The following RAD51B variants were observed in gnomAD, a reference collection of about 807,000 sequenced individuals.
RAD51B encodes the protein DNA repair protein RAD51 homolog 2.
In RAD51B, 38 loss-of-function variants were observed where a neutral mutation model predicts 42.2. The observed-to-expected ratio is 0.90, with a 90% confidence interval of 0.70 to 1.18. The LOEUF is 1.18. Ranked by LOEUF, RAD51B falls within the 50% of genes most tolerant of loss-of-function variation. The pLI, the probability that RAD51B is intolerant of heterozygous loss-of-function variation, is 0.00. For missense variants in RAD51B, 373 were observed against 400.7 expected, an observed-to-expected ratio of 0.93 and a Z score of 0.59; for synonymous variants, 154 against 145.2, an observed-to-expected ratio of 1.06 and a Z score of -0.43.
At chr14:68,052,436 C>T (rs907116707) in intron 7 of RAD51B, among the ~76,000 whole-genome samples, 34 of 151,688 alleles carry the variant, frequency 2.2e-4, no homozygotes, top group African/African-American at 8.2e-4. Flanking sequence ...AACTAATTTG[C>T]CAAGCCAGCA....
At chr14:68,169,635 G>A (rs1036984118) in intron 7 of RAD51B, among the ~76,000 whole-genome samples, 3 of 151,780 alleles carry the variant, frequency 2.0e-5, no homozygotes, top group Admixed American at 6.6e-5. Context: ...AGATGTTGCT[G>A]AGTCCTGCTG....
chr14:68,650,932 T>C (rs1040594728), intron 11 of RAD51B: 11 of 663,844 alleles, frequency 1.7e-5, no homozygotes, highest in African/African-American at 1.1e-4. Context: ...GAAAATGATA[T>C]AAAGTAGACC....
intron 7 of RAD51B, among the ~76,000 whole-genome samples, chr14:68,014,291 G>A (rs1022000633): frequency 7.0e-6 from 1 of 142,940 alleles, no homozygotes. Flanking sequence ...TTTTACATTT[G>A]TTGATTCTGC....
chr14:68,300,830 G>T (rs902386648), intron 8 of RAD51B, among the ~76,000 whole-genome samples: 1 of 152,194 alleles, frequency 6.6e-6, no homozygotes, highest in Non-Finnish European at 1.5e-5. Context: ...ATTAGCTAGC[G>T]CAGGCTGTCC....
chr14:68,063,008 A>G (rs1039273671), intron 7 of RAD51B, among the ~76,000 whole-genome samples: 1 of 151,790 alleles, frequency 6.6e-6, no homozygotes, highest in Non-Finnish European at 1.5e-5. Context: ...CATTTCCTCT[A>G]GGTTTTTAAT....
chr14:68,013,024 A>T (rs906478397), intron 7 of RAD51B, among the ~76,000 whole-genome samples: 8 of 152,294 alleles, frequency 5.3e-5, no homozygotes, highest in African/African-American at 7.2e-5. Context: ...ATGCTCACAG[A>T]TTCTGTGGGT....
intron 10 of RAD51B, among the ~76,000 whole-genome samples, chr14:68,638,325 C>A (rs888543914): frequency 1.3e-5 from 2 of 152,096 alleles, no homozygotes; most frequent in African/African-American, 4.8e-5. Context: ...TTTTAAAGAG[C>A]TTTAGATTGA....
At chr14:68,128,708 G>A (rs749708076) in intron 7 of RAD51B, among the ~76,000 whole-genome samples, 4 of 151,892 alleles carry the variant, frequency 2.6e-5, no homozygotes, top group African/African-American at 7.3e-5. Context: ...AACGTGAGTG[G>A]GGGGGCTTGT....
At chr14:68,616,206 T>G (rs1030238395), downstream of RAD51B, among the ~76,000 whole-genome samples, 1 of 152,212 alleles carries the variant, frequency 6.6e-6, no homozygotes. Context: ...TCCTCATGTT[T>G]CCCATTTCTG....
At chr14:68,383,569 G>A (rs2083527460) in intron 8 of RAD51B, among the ~76,000 whole-genome samples, 1 of 152,034 alleles carries the variant, frequency 6.6e-6, no homozygotes, top group Non-Finnish European at 1.5e-5. Flanking sequence ...CGAGGAGGTT[G>A]TGACTAGTTA....
chr14:68,206,513 A>G (rs1229622152), intron 7 of RAD51B, among the ~76,000 whole-genome samples: 4 of 152,152 alleles, frequency 2.6e-5, no homozygotes, highest in South Asian at 2.1e-4. Context: ...TCTAATAAGC[A>G]GGAGCTTTTT....
At chr14:68,060,150 C>A (rs1280998931) in intron 7 of RAD51B, among the ~76,000 whole-genome samples, 1 of 152,098 alleles carries the variant, frequency 6.6e-6, no homozygotes, top group Non-Finnish European at 1.5e-5. Flanking sequence ...AATGAGGTGA[C>A]TGGAGTAGGT....
chr14:68,658,639 A>G (rs887621115), intron 11 of RAD51B, among the ~76,000 whole-genome samples: 2 of 152,214 alleles, frequency 1.3e-5, no homozygotes, highest in Non-Finnish European at 2.9e-5. Context: ...ATGGAGGTTC[A>G]GTCACCTACA....
intron 10 of RAD51B, chr14:68,497,363 G>A: frequency 8.2e-7 from 1 of 1,216,240 alleles, no homozygotes; most frequent in Non-Finnish European, 1.0e-6. Flanking sequence ...ATCATAAGCT[G>A]ATTTGATACC....
At chr14:68,648,861 A>C (rs1421370961) in intron 10 of RAD51B, among the ~76,000 whole-genome samples, 1 of 151,960 alleles carries the variant, frequency 6.6e-6, no homozygotes, top group Non-Finnish European at 1.5e-5. Flanking sequence ...GATGGCGATG[A>C]CCCTGTGGGG....
At position 68,319,451 on chromosome 14, in the gene RAD51B, T is replaced by C. The variant is rs553300261; in HGVS notation, c.853+27471T>C. Among the ~76,000 whole-genome samples the C allele has an allele frequency of 2.0e-5, 3 of 152,342 alleles. No homozygotes were observed. The East Asian group carries it at 5.8e-4, about 29-fold the overall frequency. On this transcript the variant is annotated intron_variant, in intron 8 of 10. Coordinates refer to ENST00000471583, the MANE Select transcript of RAD51B (RefSeq NM_133510.4). ...CAAGGAGCCTGGGAGCTTTTATGAT[T>C]ATTGAAAATCACTGTCAATTTTAAA...
intron 10 of RAD51B, among the ~76,000 whole-genome samples, chr14:68,625,947 C>G (rs1456333363): frequency 6.6e-6 from 1 of 152,190 alleles, no homozygotes; most frequent in Admixed American, 6.5e-5. Flanking sequence ...CAGACTCCCC[C>G]ATGGTGTGGC....
At chr14:68,012,097 A>G (rs775782804) in intron 7 of RAD51B, among the ~76,000 whole-genome samples, 16 of 152,122 alleles carry the variant, frequency 1.1e-4, no homozygotes, top group Non-Finnish European at 2.1e-4. Flanking sequence ...AATGTCAATT[A>G]TGAAGAGACA....
In RAD51B at chr14:68,477,855, T is replaced by C. The variant is rs1055814957; in HGVS notation, c.*191T>C. ...TCAGACCTAGCAGGGAAGGTGAAGA[T>C]GAAGAAGCCTTTGTTCAGGTCTCTA... On this transcript the variant is annotated 3_prime_UTR_variant, in exon 11 of 11. Transcript: ENST00000471583. 7.0e-7 allele frequency: 1 copy of C among 1,428,872 alleles called. No homozygotes were observed. Among genetic ancestry groups the C allele is most frequent in the Admixed American group, 3.0e-5 (1 of 33,470 alleles). 88.5% of individuals were successfully genotyped at this position (1,428,872 alleles called of 1,614,324 possible). A position where few individuals can be genotyped will look rare whatever the true frequency, so the allele number is the denominator to read the frequency against.
Sources: gnomAD v4.1 joint callset for allele counts (sites outside exome capture counted in the v4.1 genomes callset) on GRCh38, gnomAD v4.1.1 for gene constraint, MANE v1.5 for transcripts, NCBI Gene and HGNC (gene_info 2026-07-23, HGNC 2026-07-21) for gene names.